Variants in GRIN2B observed in about 807,000 individuals in gnomAD.
GRIN2B encodes the protein glutamate ionotropic receptor NMDA type subunit 2B, also known as glutamate receptor ionotropic, NMDA 2B.
A neutral mutation model predicts 114.5 loss-of-function variants in GRIN2B; 5 were observed. The ratio of observed to expected loss-of-function variants is 0.04; its 90% CI spans 0.02 to 0.09. The LOEUF is 0.09. Among genes scored for constraint, GRIN2B ranks in the 10% least tolerant of loss-of-function variants. The pLI, the probability that GRIN2B is intolerant of heterozygous loss-of-function variation, is 1.00. For missense variants in GRIN2B, 1,108 were observed against 1,943.5 expected (o/e 0.57, Z 8.08); for synonymous variants, 787 against 745.1 (o/e 1.06, Z -0.92).
At chr12:13,578,765 A>G (rs1396212586) in intron 10 of GRIN2B, among the ~76,000 whole-genome samples, 1 of 152,272 alleles carries the variant, frequency 6.6e-6, no homozygotes, top group Non-Finnish European at 1.5e-5. Flanking sequence ...AAACAGCATA[A>G]TAGGATAAAG....
chr12:13,706,303 T>C (rs1950359629), intron 4 of GRIN2B, among the ~76,000 whole-genome samples: 1 of 152,108 alleles, frequency 6.6e-6, no homozygotes, highest in African/African-American at 2.4e-5. Context: ...TGAATAGACA[T>C]AAGAAATGCC....
chr12:13,571,430 C>T (rs1413422749), intron 11 of GRIN2B, among the ~76,000 whole-genome samples: 1 of 152,060 alleles, frequency 6.6e-6, no homozygotes, highest in Non-Finnish European at 1.5e-5. Flanking sequence ...TTTTATTTCT[C>T]CCTTGTCCAT....
intron 2 of GRIN2B, among the ~76,000 whole-genome samples, chr12:13,961,418 T>C (rs1277491752): frequency 6.6e-6 from 1 of 152,102 alleles, no homozygotes; most frequent in Admixed American, 6.5e-5. Flanking sequence ...AGAGGCAATG[T>C]GGAAGAATTG....
At chr12:13,967,215 C>T (rs1289474268) in intron 2 of GRIN2B, among the ~76,000 whole-genome samples, 1 of 152,212 alleles carries the variant, frequency 6.6e-6, no homozygotes, top group African/African-American at 2.4e-5. Context: ...AAATCATTCA[C>T]AGAAGTCCAG....
chr12:13,666,684 T>A (rs529872597), intron 5 of GRIN2B, among the ~76,000 whole-genome samples: 50 of 152,294 alleles, frequency 3.3e-4, no homozygotes, highest in African/African-American at 1.1e-3. Flanking sequence ...TATACATGAA[T>A]TATTTCTACC....
chr12:13,851,812 G>A (rs1483421694), intron 3 of GRIN2B, among the ~76,000 whole-genome samples: 1 of 152,184 alleles, frequency 6.6e-6, no homozygotes, highest in African/African-American at 2.4e-5. Context: ...ATACAGGAAT[G>A]GTAAGAATAA....
At chr12:13,629,210 A>G (rs962789386) in intron 5 of GRIN2B, among the ~76,000 whole-genome samples, 4 of 152,226 alleles carry the variant, frequency 2.6e-5, no homozygotes, top group Admixed American at 2.6e-4. Context: ...CTTCTAGACA[A>G]TAACGGTCAA....
chr12:13,662,635 G>C (rs1021588421), intron 5 of GRIN2B, among the ~76,000 whole-genome samples: 10 of 152,102 alleles, frequency 6.6e-5, no homozygotes, highest in African/African-American at 2.4e-4. Flanking sequence ...GTTCAATACT[G>C]TTTCCCCAGC....
At chr12:13,757,749 A>G (rs1863603654) in intron 3 of GRIN2B, among the ~76,000 whole-genome samples, 1 of 152,204 alleles carries the variant, frequency 6.6e-6, no homozygotes, top group Non-Finnish European at 1.5e-5. Flanking sequence ...GTAGAATTGT[A>G]CACTAGACCC....
At chr12:13,671,344 G>A (rs1182561237) in intron 5 of GRIN2B, among the ~76,000 whole-genome samples, 1 of 152,078 alleles carries the variant, frequency 6.6e-6, no homozygotes, top group African/African-American at 2.4e-5. Flanking sequence ...GCTGATAAAT[G>A]GCAACATGGA....
At chr12:13,912,006 C>T (rs532124535) in intron 2 of GRIN2B, among the ~76,000 whole-genome samples, 100 of 152,158 alleles carry the variant, frequency 6.6e-4, no homozygotes, top group African/African-American at 2.3e-3. Context: ...GTGACTAGTG[C>T]GCACAAATTA....
intron 3 of GRIN2B, among the ~76,000 whole-genome samples, chr12:13,756,653 AT>A (rs1863582216): frequency 6.6e-6 from 1 of 152,222 alleles, no homozygotes; most frequent in African/African-American, 2.4e-5. Flanking sequence ...GATGAAAGGG[AT>A]CCCAGTGGCA....
chr12:13,621,298 A>C (rs1396505521), intron 5 of GRIN2B, among the ~76,000 whole-genome samples: 1 of 152,202 alleles, frequency 6.6e-6, no homozygotes, highest in East Asian at 1.9e-4. Flanking sequence ...CAATCCTAGA[A>C]GTGCAGACAG....
At chr12:13,715,782 A>G (rs185428841) in intron 4 of GRIN2B, among the ~76,000 whole-genome samples, 4 of 152,070 alleles carry the variant, frequency 2.6e-5, no homozygotes, top group Admixed American at 2.6e-4. Context: ...TAACCCCTTG[A>G]TAATAAAACA....
chr12:13,857,159 GA>G (rs1865675393), intron 3 of GRIN2B, among the ~76,000 whole-genome samples: 1 of 152,152 alleles, frequency 6.6e-6, no homozygotes, highest in Non-Finnish European at 1.5e-5. Flanking sequence ...GCTGAACTGT[GA>G]AAAGAAGGAG....
intron 3 of GRIN2B, among the ~76,000 whole-genome samples, chr12:13,785,435 C>T (rs149196425): frequency 1.5e-3 from 227 of 152,244 alleles, no homozygotes; most frequent in African/African-American, 5.0e-3. Context: ...CACCCTTTTC[C>T]AGGCTGGTCT....
At chr12:13,640,899 A>C (rs1949708709) in intron 5 of GRIN2B, among the ~76,000 whole-genome samples, 1 of 152,096 alleles carries the variant, frequency 6.6e-6, no homozygotes, top group Non-Finnish European at 1.5e-5. Flanking sequence ...ATTTGTGAGC[A>C]ATAGTAACCA....
chr12:13,887,663 C>G (rs925762056), intron 2 of GRIN2B, among the ~76,000 whole-genome samples: 1 of 152,138 alleles, frequency 6.6e-6, no homozygotes, highest in Non-Finnish European at 1.5e-5. Flanking sequence ...TTATACTTAC[C>G]CACTCATCTA....
intron 5 of GRIN2B, among the ~76,000 whole-genome samples, chr12:13,667,352 T>C (rs527445149): frequency 1.3e-5 from 2 of 152,268 alleles, no homozygotes; most frequent in South Asian, 4.1e-4. Flanking sequence ...CCAGACTGCA[T>C]ATGTGTCCCC....
Sources: gnomAD v4.1 joint callset for allele counts (sites outside exome capture counted in the v4.1 genomes callset) on GRCh38, gnomAD v4.1.1 for gene constraint, MANE v1.5 for transcripts, NCBI Gene and HGNC (gene_info 2026-07-23, HGNC 2026-07-21) for gene names.